TRAM2: variants seen among roughly 807,000 people sequenced by gnomAD.
TRAM2 encodes the protein translocating chain-associated membrane protein 2.
In TRAM2, 12 loss-of-function variants were observed where a neutral mutation model predicts 51.0. The ratio of observed to expected loss-of-function variants is 0.24; its 90% confidence interval spans 0.15 to 0.38. The LOEUF (loss-of-function observed/expected upper bound fraction) is 0.38. Ranked by LOEUF, TRAM2 falls within the 10% of genes least tolerant of loss-of-function variation. The pLI is 1.00. For synonymous variants in TRAM2, 175 were observed against 179.4 expected, an observed-to-expected ratio of 0.98 and a Z score of 0.20; for missense variants, 361 against 462.0, an observed-to-expected ratio of 0.78 and a Z score of 2.00.
intron 2 of TRAM2, among the ~76,000 whole-genome samples, chr6:52,526,152 GACACACACACACACACACACACAC>G (rs775593303): frequency 3.5e-5 from 1 of 28,858 alleles, no homozygotes; most frequent in African/African-American, 1.1e-4. Flanking sequence ...CACACAGACA[GACACACACACACACACACACACAC>G]ACACACACAC....
rs559243726 is a variant in TRAM2 at position 52,508,461 on chromosome 6, C to G, written c.471-143G>C. ...GGAGCAAGGGAGTTAGGCCAGTGAC[C>G]GCCGCACCCTGAGCCTGGGACCCTG... On this transcript the variant is annotated intron_variant, in intron 5 of 10. Transcript: ENST00000182527. 46 of 747,904 alleles carry G rather than the reference C, an allele frequency of 6.2e-5. 1 individual carries two copies. In the South Asian group the frequency reaches 8.1e-4, roughly 13 times the overall value. The allele number at this position is 747,904 out of a possible 1,614,324, so 46.3% of individuals were successfully genotyped here.
At chr6:52,562,431 C>T (rs1018517990) in intron 1 of TRAM2, among the ~76,000 whole-genome samples, 3 of 152,168 alleles carry the variant, frequency 2.0e-5, no homozygotes, top group African/African-American at 7.2e-5. Context: ...GCAACAGAAA[C>T]GTCACAGAGG....
chr6:52,499,049 A>C lies in TRAM2; in HGVS notation c.*4148T>G, dbSNP rs775062863. 1 of 152,186 alleles carries C rather than the reference A, an allele frequency of 6.6e-6. No individual in the cohort carries two copies. Among genetic ancestry groups the C allele is most frequent in the African/African-American group, 2.4e-5 (1 of 41,412 alleles). 9.4% of individuals were successfully genotyped at this position (152,186 alleles called of 1,614,324 possible). A position where few individuals can be genotyped will look rare whatever the true frequency, so the allele number is the denominator to read the frequency against. On this transcript the variant is annotated 3_prime_UTR_variant, in exon 11 of 11. Transcript: ENST00000182527. ...GAATGAGGCAGCTTTCACTGGGGAG[A>C]ACTGGTCTTCAGCCTTTGCAAGGTG...
At chr6:52,544,218 G>A (rs1386028531) in intron 1 of TRAM2, among the ~76,000 whole-genome samples, 1 of 152,224 alleles carries the variant, frequency 6.6e-6, no homozygotes, top group Non-Finnish European at 1.5e-5. Context: ...TATTTGTGTA[G>A]GGGCACATAA....
In TRAM2 at chr6:52,506,043, G is replaced by C; in HGVS notation, c.720C>G (p.Asn240Lys). The change falls in exon 8 of 11, where the codon AAC becomes AAG. Residue 240 changes from asparagine (N) to lysine (K), a missense_variant. Transcript: ENST00000182527. Reference sequence around the variant, plus strand: ...GCAGACCCACTTACAGTTTCTCGTTGTTTTCATCTGCAAAGTAGAAGAGTC... The same window carrying C: ...GCAGACCCACTTACAGTTTCTCGTTCTTTTCATCTGCAAAGTAGAAGAGTC... ...TARLFYFADE[N>K]NEKLFSAWAA... The C allele has an allele frequency of 6.2e-7, 1 of 1,613,990 alleles. No homozygotes were observed.
intron 10 of TRAM2, among the ~76,000 whole-genome samples, chr6:52,504,350 C>T (rs572582480): frequency 2.0e-5 from 3 of 152,200 alleles, no homozygotes; most frequent in Non-Finnish European, 4.4e-5. Context: ...TGCCCTGCCC[C>T]GTGGTGGCCA....
At chr6:52,514,607 C>T (rs1766510251) in intron 4 of TRAM2, among the ~76,000 whole-genome samples, 1 of 152,212 alleles carries the variant, frequency 6.6e-6, no homozygotes, top group Non-Finnish European at 1.5e-5. Context: ...CCCTGGAAGG[C>T]GTGTTAAGCA....
rs1766308933 is a variant in TRAM2 at position 52,504,631 on chromosome 6, G to A, written c.999C>T (p.Ala333=). 2 of 1,614,150 alleles carry A rather than the reference G, an allele frequency of 1.2e-6. No individual in the cohort carries two copies. The highest frequency in any genetic ancestry group is 1.7e-6 in the Non-Finnish European group (2 of 1,180,034). Residue 333 remains alanine (A), a synonymous_variant, in exon 10 of 11, where the codon GCC becomes GCT. Transcript: ENST00000182527. ...TGAGCCTGGCTGGTAGTCTGGGTGTGGCTGGGACTCTCCGCTTTGCACTCT... is the reference window on the plus strand; with the variant it reads ...TGAGCCTGGCTGGTAGTCTGGGTGTAGCTGGGACTCTCCGCTTTGCACTCT... The part of the protein sequence containing the change: ...NEQSAKRRVP[A]TPRLPARLIK...
chr6:52,538,372 C>T (rs1399666752), intron 1 of TRAM2, among the ~76,000 whole-genome samples: 1 of 149,948 alleles, frequency 6.7e-6, no homozygotes, highest in Non-Finnish European at 1.5e-5. Flanking sequence ...TGTGTGTGGG[C>T]ATAGGATGTG....
At chr6:52,540,324 A>G (rs576397224) in intron 1 of TRAM2, among the ~76,000 whole-genome samples, 2 of 152,250 alleles carry the variant, frequency 1.3e-5, no homozygotes, top group South Asian at 4.1e-4. Context: ...ATAGAATGGT[A>G]ATGTAAAATG....
At chr6:52,557,772 C>T (rs954692674) in intron 1 of TRAM2, among the ~76,000 whole-genome samples, 2 of 152,164 alleles carry the variant, frequency 1.3e-5, no homozygotes, top group African/African-American at 4.8e-5. Flanking sequence ...CCCTATCTTT[C>T]ACTTTCAAGA....
intron 10 of TRAM2, among the ~76,000 whole-genome samples, chr6:52,503,911 G>A (rs554922805): frequency 2.0e-5 from 3 of 152,248 alleles, no homozygotes; most frequent in East Asian, 3.9e-4. Flanking sequence ...ACCCAGCTGC[G>A]CGCGTGTCTG....
At chr6:52,553,773 C>T (rs550069105) in intron 1 of TRAM2, among the ~76,000 whole-genome samples, 1 of 152,268 alleles carries the variant, frequency 6.6e-6, no homozygotes, top group South Asian at 2.1e-4. Flanking sequence ...GAGATAGAAT[C>T]CATAAAGAGG....
intron 1 of TRAM2, among the ~76,000 whole-genome samples, chr6:52,543,579 T>C (rs1171635111): frequency 6.6e-6 from 1 of 152,204 alleles, no homozygotes; most frequent in African/African-American, 2.4e-5. Flanking sequence ...TTTTAGGTTG[T>C]GAGTTATTTT....
intron 2 of TRAM2, among the ~76,000 whole-genome samples, chr6:52,520,473 G>C (rs1405359876): frequency 6.6e-6 from 1 of 152,236 alleles, no homozygotes; most frequent in East Asian, 1.9e-4. Context: ...GCGTCGGATA[G>C]AGTCAGTGAC....
intron 1 of TRAM2, among the ~76,000 whole-genome samples, chr6:52,573,065 T>C (rs937863787): frequency 6.6e-6 from 1 of 152,156 alleles, no homozygotes; most frequent in African/African-American, 2.4e-5. Context: ...CTTTAGAGCC[T>C]GTAAATGAGC....
intron 1 of TRAM2, among the ~76,000 whole-genome samples, chr6:52,552,873 CAA>C (rs1349051679): frequency 6.6e-6 from 1 of 152,204 alleles, no homozygotes; most frequent in African/African-American, 2.4e-5. Context: ...AGGCTGCAGT[CAA>C]AGACTCCCCA....
intron 8 of TRAM2, 27 bp downstream of exon 8, chr6:52,506,005 G>C (rs111829425): frequency 6.2e-7 from 1 of 1,610,810 alleles, no homozygotes; most frequent in South Asian, 1.1e-5. Flanking sequence ...GCCTCTAAGC[G>C]GGCCAGCCTG....
Position 52,509,535 on chromosome 6 carries a change from G to A in TRAM2, c.463C>T (p.His155Tyr), listed in dbSNP as rs775372010. ...RSLWEDYPHV[H>Y]LPFQVKFFYL... ...AGTCAACAGAATACTCACGGGAGGT[G>A]CACATGCGGGTAGTCTTCCCAGAGG... The change falls in exon 5 of 11, where the codon CAC becomes TAC. Residue 155 changes from histidine (H) to tyrosine (Y), a missense_variant. His to Tyr is a moderately conservative substitution (Grantham distance 83, BLOSUM62 2). Transcript: ENST00000182527. 1.2e-6 allele frequency: 2 copies of A among 1,614,110 alleles called. No homozygotes were observed. The highest frequency in any genetic ancestry group is 1.7e-5 in the Admixed American group (1 of 60,016).
Sources: allele counts gnomAD v4.1 joint callset (sites outside exome capture counted in the v4.1 genomes callset), GRCh38; gene constraint gnomAD v4.1.1; transcripts MANE v1.5; gene names NCBI Gene and HGNC (gene_info 2026-07-23, HGNC 2026-07-21).